MAD1L1: variants seen among roughly 807,000 people sequenced by gnomAD.
MAD1L1 encodes mitotic arrest deficient 1 like 1.
In MAD1L1, 95 loss-of-function variants were observed where a neutral mutation model predicts 96.9. The ratio of observed to expected loss-of-function variants is 0.98; its 90% CI spans 0.83 to 1.16. The LOEUF is 1.16. MAD1L1 is among the 50% of genes most tolerant of loss of function. The probability of loss-of-function intolerance (pLI) is 0.00; values close to 1 mark genes in which losing one functional copy is unlikely to be tolerated. For missense variants in MAD1L1, 1,007 were observed against 954.4 expected, an observed-to-expected ratio of 1.06 and a Z score of -0.73; for synonymous variants, 473 against 396.6, an observed-to-expected ratio of 1.19 and a Z score of -2.29.
At chr7:2,129,893 G>A (rs1014818291) in intron 11 of MAD1L1, among the ~76,000 whole-genome samples, 16 of 152,188 alleles carry the variant, frequency 1.1e-4, no homozygotes, top group South Asian at 4.1e-4. Flanking sequence ...AGGTGCAGAC[G>A]GACTCATGGT....
chr7:1,870,779 C>T (rs1785028841), intron 18 of MAD1L1, among the ~76,000 whole-genome samples: 3 of 129,802 alleles, frequency 2.3e-5, no homozygotes, highest in African/African-American at 9.3e-5. Flanking sequence ...CCGACCATAA[C>T]ACCTGCCACG....
At chr7:2,047,967 CATG>C (rs1167053303) in intron 12 of MAD1L1, among the ~76,000 whole-genome samples, 2 of 152,246 alleles carry the variant, frequency 1.3e-5, no homozygotes, top group Admixed American at 1.3e-4. Context: ...TGCACACTCA[CATG>C]ATCACATGTG....
At chr7:2,010,070 G>GTT (rs56012894) in intron 13 of MAD1L1, among the ~76,000 whole-genome samples, 94 of 89,768 alleles carry the variant, frequency 1.0e-3, no homozygotes, top group African/African-American at 3.7e-3. Flanking sequence ...TTTTTAACAG[G>GTT]TTTTTTTTTT....
At chr7:2,073,521 T>C (rs986436990) in intron 11 of MAD1L1, among the ~76,000 whole-genome samples, 4 of 152,192 alleles carry the variant, frequency 2.6e-5, no homozygotes, top group East Asian at 1.9e-4. Flanking sequence ...TTTGTGACTG[T>C]AGGTCACCAT....
Position 1,945,639 on chromosome 7 carries a change from C to A in MAD1L1, c.1597-8742G>T, listed in dbSNP as rs541304905. On this transcript the variant is annotated intron_variant, in intron 16 of 18. Transcript: ENST00000265854. The stretch of plus-strand genomic sequence containing the variant: ...GGCCATCTGCAGACGCCATGGGGTG[C>A]CGGGCCCGGCCAGTGCTCTGTGAGC... 3.2e-4 allele frequency among the ~76,000 whole-genome samples: 49 copies of A among 152,286 alleles called. No individual in the cohort carries two copies. In the East Asian group the frequency reaches 7.5e-3, roughly 23 times the overall value.
intron 10 of MAD1L1, among the ~76,000 whole-genome samples, chr7:2,168,499 G>T (rs1790547083): frequency 6.6e-6 from 1 of 152,252 alleles, no homozygotes; most frequent in African/African-American, 2.4e-5. Context: ...GCAGGCCTGG[G>T]CTGTGGCCCC....
At chr7:2,168,720 G>A (rs563389991) in intron 10 of MAD1L1, among the ~76,000 whole-genome samples, 2 of 152,378 alleles carry the variant, frequency 1.3e-5, no homozygotes, top group East Asian at 3.9e-4. Flanking sequence ...CGCGTGGAGG[G>A]CGCCACGAGG....
intron 18 of MAD1L1, among the ~76,000 whole-genome samples, chr7:1,886,197 C>T (rs774988608): frequency 1.3e-5 from 2 of 152,226 alleles, no homozygotes; most frequent in Non-Finnish European, 2.9e-5. Context: ...CAGGGCTAGT[C>T]ACTGTCTAAG....
At chr7:1,889,121 T>C (rs866776094) in intron 18 of MAD1L1, among the ~76,000 whole-genome samples, 3 of 152,172 alleles carry the variant, frequency 2.0e-5, no homozygotes, top group Non-Finnish European at 2.9e-5. Context: ...GCAGATGCGA[T>C]GATCCTGGCC....
chr7:1,942,621 C>T (rs1168185611), intron 16 of MAD1L1, among the ~76,000 whole-genome samples: 2 of 152,158 alleles, frequency 1.3e-5, no homozygotes, highest in East Asian at 3.9e-4. Context: ...GGCAGCAAAA[C>T]AGCATGGGAG....
chr7:1,868,039 G>A (rs1466661489), intron 18 of MAD1L1, among the ~76,000 whole-genome samples: 2 of 152,136 alleles, frequency 1.3e-5, no homozygotes, highest in East Asian at 1.9e-4. Flanking sequence ...CTGAGCAGAC[G>A]CCAGCAGTAA....
intron 16 of MAD1L1, among the ~76,000 whole-genome samples, chr7:1,944,216 G>A (rs538092524): frequency 7.2e-5 from 11 of 152,282 alleles, no homozygotes; most frequent in Admixed American, 3.3e-4. Flanking sequence ...TTGAGGGCAC[G>A]GGAGACAGCA....
rs373626729 is a variant in MAD1L1, at chr7:2,149,166, G to A, written c.1059C>T (p.Ser353=). Residue 353 remains serine (S), a synonymous_variant, in exon 11 of 19, where the codon AGC becomes AGT. Coordinates refer to ENST00000265854, the MANE Select transcript of MAD1L1 (RefSeq NM_001013836.2). ...GCCAGGTCTACCTGCTGGTGACGGC[G>A]CTGTTCTTGTCCTTCAAGGCAAGCT... ...QRELALKDKN[S]AVTSSARGLE... The A allele has an allele frequency of 4.7e-5, 76 of 1,614,036 alleles. No homozygotes were observed. The Middle Eastern group carries it at 5.0e-4, about 11-fold the overall frequency.
intron 11 of MAD1L1, among the ~76,000 whole-genome samples, chr7:2,098,097 C>A (rs186915140): frequency 2.0e-4 from 31 of 152,182 alleles, no homozygotes; most frequent in African/African-American, 6.5e-4. Flanking sequence ...TCTCGGGGCA[C>A]AGAGGACAGA....
intron 18 of MAD1L1, among the ~76,000 whole-genome samples, chr7:1,892,268 G>A (rs1159203880): frequency 6.6e-6 from 1 of 152,190 alleles, no homozygotes; most frequent in Non-Finnish European, 1.5e-5. Flanking sequence ...GCACGGCCCA[G>A]GCTCGTACAA....
At chr7:2,091,603 G>A (rs1259299959) in intron 11 of MAD1L1, among the ~76,000 whole-genome samples, 1 of 152,140 alleles carries the variant, frequency 6.6e-6, no homozygotes, top group Admixed American at 6.5e-5. Flanking sequence ...GTGAAACCCC[G>A]TCTCTACCAA....
intron 13 of MAD1L1, among the ~76,000 whole-genome samples, chr7:2,009,535 C>T (rs775160105): frequency 1.4e-3 from 208 of 152,326 alleles, no homozygotes; most frequent in Non-Finnish European, 7.9e-4. Flanking sequence ...CACAGGGTCC[C>T]CACAGGGCTA....
At chr7:1,972,276 A>G (rs1246639703) in intron 15 of MAD1L1, among the ~76,000 whole-genome samples, 2 of 152,232 alleles carry the variant, frequency 1.3e-5, no homozygotes, top group Non-Finnish European at 2.9e-5. Context: ...TCTGTGTCAA[A>G]TTGATCTTAA....
chr7:1,926,773 C>T (rs190995210), intron 17 of MAD1L1, among the ~76,000 whole-genome samples: 133 of 152,354 alleles, frequency 8.7e-4, no homozygotes, highest in Non-Finnish European at 1.6e-3. Flanking sequence ...CAGCTAGCAG[C>T]ACGCCTCATG....
Sources: gnomAD v4.1 joint callset for allele counts (sites outside exome capture counted in the v4.1 genomes callset) on GRCh38, gnomAD v4.1.1 for gene constraint, MANE v1.5 for transcripts, NCBI Gene and HGNC (gene_info 2026-07-23, HGNC 2026-07-21) for gene names.